Variants in SPON1 observed in about 807,000 individuals in gnomAD.
The protein encoded by SPON1 is spondin 1.
A neutral mutation model predicts 111.7 loss-of-function variants in SPON1; 52 were observed. The ratio of observed to expected loss-of-function variants is 0.47; its 90% CI spans 0.37 to 0.59. SPON1 has a LOEUF of 0.59. SPON1 is among the 20% of genes least tolerant of loss of function. SPON1 has a pLI of 0.00. For synonymous variants in SPON1, 410 were observed against 395.8 expected, an observed-to-expected ratio of 1.04 and a Z score of -0.43; for missense variants, 957 against 1,068.5, an observed-to-expected ratio of 0.90 and a Z score of 1.46.
In SPON1 at chr11:14,243,321, C is replaced by CT; in HGVS notation, c.826-5dup. The CT allele has an allele frequency of 6.3e-7, 1 of 1,574,852 alleles. No individual in the cohort carries two copies. The highest frequency in any genetic ancestry group is 8.6e-7 in the Non-Finnish European group (1 of 1,159,326). The stretch of plus-strand genomic sequence containing the variant: ...CTCTGTTCACTAAATATTTGTGGTC[C>CT]TTTTTTGCAGAGTGATGAGGTCCTC... On this transcript the variant is annotated splice_polypyrimidine_tract_variant and intron_variant, in intron 6 of 15. Coordinates refer to ENST00000576479, the MANE Select transcript of SPON1 (RefSeq NM_006108.4).
intron 2 of SPON1, among the ~76,000 whole-genome samples, chr11:14,021,581 G>C (rs531323186): frequency 1.3e-5 from 2 of 152,294 alleles, no homozygotes; most frequent in South Asian, 4.2e-4. Flanking sequence ...CTGAATCTGA[G>C]AGCCAAATCA....
At chr11:13,999,603 C>T (rs779253649) in intron 2 of SPON1, among the ~76,000 whole-genome samples, 11 of 152,032 alleles carry the variant, frequency 7.2e-5, no homozygotes, top group Non-Finnish European at 1.2e-4. Flanking sequence ...ATGGGGGTTT[C>T]GCCATGTTGG....
chr11:14,048,264 G>C (rs1380156425), intron 3 of SPON1, among the ~76,000 whole-genome samples: 1 of 149,890 alleles, frequency 6.7e-6, no homozygotes, highest in South Asian at 2.1e-4. Context: ...GGTTAGTAAG[G>C]ATACTTAAAT....
intron 5 of SPON1, among the ~76,000 whole-genome samples, chr11:14,104,828 A>G (rs896987425): frequency 3.9e-5 from 6 of 152,130 alleles, no homozygotes; most frequent in Non-Finnish European, 8.8e-5. Context: ...CAAATTTCTT[A>G]AGACTGAAAA....
chr11:14,197,143 T>C (rs1848410730), intron 6 of SPON1, among the ~76,000 whole-genome samples: 1 of 152,226 alleles, frequency 6.6e-6, no homozygotes, highest in Admixed American at 6.5e-5. Context: ...TGATAGATGC[T>C]TATTTACTGA....
At position 14,143,965 on chromosome 11, in the gene SPON1, A is replaced by G. The variant is rs1039089119; in HGVS notation, c.825+8397A>G. Among the ~76,000 whole-genome samples, 5 of 152,208 alleles carry G rather than the reference A, an allele frequency of 3.3e-5. No homozygotes were observed. The East Asian group carries it at 7.7e-4, about 23-fold the overall frequency. On this transcript the variant is annotated intron_variant, in intron 6 of 15. Transcript: ENST00000576479. ...TTACCCTTGCCACCTGCTGCCTTGC[A>G]TTGTTACTTAAGAACCATGAAAACA...
intron 2 of SPON1, among the ~76,000 whole-genome samples, chr11:14,035,454 A>T (rs782247521): frequency 4.6e-5 from 7 of 152,154 alleles, no homozygotes; most frequent in Non-Finnish European, 1.0e-4. Context: ...AAATGCTATT[A>T]TTATTATCAA....
chr11:13,971,731 CT>C (rs1848064820), intron 1 of SPON1, among the ~76,000 whole-genome samples: 1 of 152,120 alleles, frequency 6.6e-6, no homozygotes, highest in Non-Finnish European at 1.5e-5. Context: ...ACTTTAGCAC[CT>C]GGTCACATCA....
chr11:13,976,672 G>A (rs2133777667), intron 1 of SPON1, among the ~76,000 whole-genome samples: 1 of 152,314 alleles, frequency 6.6e-6, no homozygotes, highest in East Asian at 1.9e-4. Context: ...TTATCATTCA[G>A]AAACATTGTT....
intron 3 of SPON1, among the ~76,000 whole-genome samples, chr11:14,061,882 A>G (rs1848793779): frequency 6.6e-6 from 1 of 152,240 alleles, no homozygotes; most frequent in Non-Finnish European, 1.5e-5. Flanking sequence ...TAACTACTGC[A>G]ACAAGAGCCC....
intron 2 of SPON1, among the ~76,000 whole-genome samples, chr11:14,007,641 TC>T (rs1554913292): frequency 6.6e-6 from 1 of 152,162 alleles, no homozygotes; most frequent in Non-Finnish European, 1.5e-5. Flanking sequence ...ATACTTTGCA[TC>T]CTTCAATCCA....
At chr11:14,209,609 G>A (rs1437160150) in intron 6 of SPON1, among the ~76,000 whole-genome samples, 5 of 152,118 alleles carry the variant, frequency 3.3e-5, no homozygotes, top group African/African-American at 1.2e-4. Context: ...TTTTATGGCT[G>A]CATAGTATTC....
chr11:13,975,573 G>A (rs1848096584), intron 1 of SPON1, among the ~76,000 whole-genome samples: 1 of 152,268 alleles, frequency 6.6e-6, no homozygotes, highest in East Asian at 1.9e-4. Flanking sequence ...ACTGAAATTG[G>A]GTGAGAGGTA....
chr11:14,092,466 T>A (rs1223610738), intron 5 of SPON1, among the ~76,000 whole-genome samples: 2 of 152,142 alleles, frequency 1.3e-5, no homozygotes, highest in Non-Finnish European at 2.9e-5. Context: ...CCTTGGGAAT[T>A]TACGTTGGAC....
At chr11:14,219,885 T>C (rs1848662500) in intron 6 of SPON1, among the ~76,000 whole-genome samples, 1 of 152,080 alleles carries the variant, frequency 6.6e-6, no homozygotes, top group Admixed American at 6.6e-5. Flanking sequence ...ATGAAGACTT[T>C]CCTCCAACCC....
chr11:14,186,843 TTAAAG>T (rs1315056225), intron 6 of SPON1, among the ~76,000 whole-genome samples: 3 of 152,358 alleles, frequency 2.0e-5, no homozygotes, highest in Non-Finnish European at 4.4e-5. Flanking sequence ...TTCTATCTCC[TTAAAG>T]TAATCCTGTG....
chr11:14,128,691 C>T (rs912593991), intron 5 of SPON1, among the ~76,000 whole-genome samples: 3 of 152,234 alleles, frequency 2.0e-5, no homozygotes, highest in Non-Finnish European at 4.4e-5. Context: ...AGTCTTCAGC[C>T]CCACATTTCC....
intron 3 of SPON1, among the ~76,000 whole-genome samples, chr11:14,051,544 A>AG (rs1554918597): frequency 1.3e-5 from 2 of 151,926 alleles, no homozygotes; most frequent in African/African-American, 2.4e-5. Flanking sequence ...TCAAAAAAAA[A>AG]AAAAAGAGAG....
At chr11:14,033,522 G>A (rs1881521) in intron 2 of SPON1, among the ~76,000 whole-genome samples, 2,632 of 152,192 alleles carry the variant, frequency 0.017, 86 homozygotes, top group African/African-American at 0.061. Context: ...GGGAAGAAGG[G>A]TTGTATGTTC....
Sources: gnomAD v4.1 joint callset for allele counts (sites outside exome capture counted in the v4.1 genomes callset) on GRCh38, gnomAD v4.1.1 for gene constraint, MANE v1.5 for transcripts, NCBI Gene and HGNC (gene_info 2026-07-23, HGNC 2026-07-21) for gene names.